Variants in FAM53A observed in about 807,000 individuals in gnomAD.
FAM53A encodes protein FAM53A.
FAM53A carries 28 observed loss-of-function variants against 26.6 expected under a neutral mutation model. The observed-to-expected ratio is 1.05, with a 90% CI of 0.78 to 1.45. The LOEUF (loss-of-function observed/expected upper bound fraction) is 1.45, where lower values mean the gene tolerates loss of function less well. Ranked by LOEUF, FAM53A falls within the 40% of genes most tolerant of loss-of-function variation. The probability of loss-of-function intolerance (pLI) is 0.00; values close to 1 mark genes in which losing one functional copy is unlikely to be tolerated. For missense variants in FAM53A, 650 were observed against 575.8 expected (o/e 1.13, Z -1.32); for synonymous variants, 290 against 253.1 (o/e 1.15, Z -1.38).
chr4:1,589,813 C>T, the FAM53A span, among the ~76,000 whole-genome samples: 1 of 152,076 alleles, frequency 6.6e-6, no homozygotes, highest in African/African-American at 2.4e-5. Flanking sequence ...TCAGTATTGC[C>T]TGTCTTATTA....
intron 1 of FAM53A, among the ~76,000 whole-genome samples, chr4:1,632,696 C>G (rs556270593): frequency 6.6e-6 from 1 of 152,364 alleles, no homozygotes; most frequent in African/African-American, 2.4e-5. Context: ...GCTCCACAGG[C>G]GTGCATGCAC....
intron 1 of FAM53A, 100 bp from the exon 2 acceptor site, chr4:1,669,005 G>C (rs1249368432): frequency 2.5e-6 from 1 of 398,086 alleles, no homozygotes; most frequent in Admixed American, 4.5e-5. Flanking sequence ...AAGTATTTCT[G>C]ATATCCCACC....
the FAM53A span, among the ~76,000 whole-genome samples, chr4:1,575,887 T>C: frequency 6.6e-6 from 1 of 152,082 alleles, no homozygotes; most frequent in Non-Finnish European, 1.5e-5. Flanking sequence ...CCACTGAGCC[T>C]GGGGTCACCA....
the FAM53A span, among the ~76,000 whole-genome samples, chr4:1,575,582 G>A: frequency 6.6e-6 from 1 of 152,124 alleles, no homozygotes; most frequent in Admixed American, 6.5e-5. Context: ...AGGACGGGGA[G>A]CGCCTTGCCC....
intron 1 of FAM53A, among the ~76,000 whole-genome samples, chr4:1,626,161 T>A (rs1409602010): frequency 6.6e-6 from 1 of 152,160 alleles, no homozygotes. Context: ...TTTCGTCTTG[T>A]GCTCTGCCCA....
chr4:1,661,474 G>A (rs1024654465), intron 2 of FAM53A, among the ~76,000 whole-genome samples: 1 of 152,098 alleles, frequency 6.6e-6, no homozygotes, highest in Non-Finnish European at 1.5e-5. Flanking sequence ...CAGCACAGAC[G>A]CCCCAACGCG....
intron 1 of FAM53A, among the ~76,000 whole-genome samples, chr4:1,634,810 G>C (rs752617151): frequency 2.6e-5 from 4 of 151,762 alleles, no homozygotes; most frequent in Admixed American, 6.6e-5. Flanking sequence ...TGAGGCAGGG[G>C]AACTGCTTGA....
intron 4 of FAM53A, 72 bp from the exon 5 acceptor site, chr4:1,641,679 T>C: frequency 1.3e-6 from 2 of 1,517,608 alleles, no homozygotes; most frequent in South Asian, 1.1e-5. Context: ...CACCAACCCA[T>C]CGAGGGCTCG....
chr4:1,678,121 C>T (rs536202348), intron 1 of FAM53A, among the ~76,000 whole-genome samples: 2 of 152,226 alleles, frequency 1.3e-5, no homozygotes, highest in African/African-American at 2.4e-5. Flanking sequence ...ACTGTAATCC[C>T]TGTACTGTGG....
the FAM53A span, among the ~76,000 whole-genome samples, chr4:1,587,438 G>A: frequency 8.5e-4 from 130 of 152,230 alleles, no homozygotes; most frequent in South Asian, 0.016. Flanking sequence ...TTGAAAGGCC[G>A]AGGCAGGCAG....
chr4:1,677,907 TGCGCC>T (rs1368711558), intron 1 of FAM53A, among the ~76,000 whole-genome samples: 1 of 152,100 alleles, frequency 6.6e-6, no homozygotes. Flanking sequence ...ATTGCACCAC[TGCGCC>T]CCAGCCTGGG....
At chr4:1,685,432 G>A (rs1055274592), upstream of FAM53A, among the ~76,000 whole-genome samples, 2 of 151,798 alleles carry the variant, frequency 1.3e-5, no homozygotes, top group African/African-American at 2.4e-5. Flanking sequence ...TCCCACAGTG[G>A]ACACTGTGGG....
At chr4:1,616,399 C>A (rs1265886939), downstream of FAM53A, among the ~76,000 whole-genome samples, 2 of 147,802 alleles carry the variant, frequency 1.4e-5, no homozygotes, top group African/African-American at 5.3e-5. Flanking sequence ...CAAGTTGGCG[C>A]CCAGCAGGCT....
chr4:1,670,674 G>T (rs955093803), intron 1 of FAM53A, among the ~76,000 whole-genome samples: 3 of 152,054 alleles, frequency 2.0e-5, no homozygotes, highest in African/African-American at 4.8e-5. Flanking sequence ...ACTCCAAGAG[G>T]GGTGTCGTGC....
chr4:1,608,051 G>A, the FAM53A span, among the ~76,000 whole-genome samples: 1 of 152,094 alleles, frequency 6.6e-6, no homozygotes, highest in African/African-American at 2.4e-5. Flanking sequence ...GGCGGAGGTC[G>A]CAGTGAGCCG....
the FAM53A span, among the ~76,000 whole-genome samples, chr4:1,602,344 G>A: frequency 6.6e-6 from 1 of 152,276 alleles, no homozygotes. Context: ...CACACAGGCA[G>A]AGGTGCCGGT....
chr4:1,609,502 T>C, the FAM53A span, among the ~76,000 whole-genome samples: 1 of 152,144 alleles, frequency 6.6e-6, no homozygotes, highest in Non-Finnish European at 1.5e-5. Flanking sequence ...CTCATACTGC[T>C]GTTCTCCTGA....
chr4:1,601,233 C>CCGGGGGAGATGGGATGGGGGAGGT, the FAM53A span, among the ~76,000 whole-genome samples: 37 of 87,384 alleles, frequency 4.2e-4, no homozygotes, highest in African/African-American at 5.0e-4. Flanking sequence ...CGCAACAGGT[C>CCGGGGGAGATGGGATGGGGGAGGT]GGACACCCAC....
At chr4:1,652,072 C>T (rs1485830399) in intron 4 of FAM53A, among the ~76,000 whole-genome samples, 2 of 139,460 alleles carry the variant, frequency 1.4e-5, no homozygotes. Flanking sequence ...ACCACATACA[C>T]CAGTCACACA....
Sources: gnomAD v4.1 joint callset for allele counts (sites outside exome capture counted in the v4.1 genomes callset) on GRCh38, gnomAD v4.1.1 for gene constraint, MANE v1.5 for transcripts, NCBI Gene and HGNC (gene_info 2026-07-23, HGNC 2026-07-21) for gene names.